The following ARHGAP26 variants were observed in gnomAD, a reference collection of about 807,000 sequenced individuals.
ARHGAP26 encodes the protein Rho GTPase activating protein 26.
Under a neutral mutation model 104.8 loss-of-function variants are expected in ARHGAP26, and 38 were observed. The ratio of observed to expected loss-of-function variants is 0.36; its 90% CI spans 0.28 to 0.48. The LOEUF is 0.48. Among genes scored for constraint, ARHGAP26 ranks in the 20% least tolerant of loss-of-function variants. The pLI, the probability that ARHGAP26 is intolerant of heterozygous loss-of-function variation, is 0.99. For synonymous variants in ARHGAP26, 341 were observed against 340.0 expected (o/e 1.00, Z -0.03); for missense variants, 704 against 947.9 (o/e 0.74, Z 3.38).
At position 142,903,676 on chromosome 5, in the gene ARHGAP26, G is replaced by A; in HGVS notation, c.832+7G>A. 1 of 1,612,474 alleles carries A rather than the reference G, an allele frequency of 6.2e-7. No homozygotes were observed. Among genetic ancestry groups the A allele is most frequent in the African/African-American group, 1.3e-5 (1 of 74,978 alleles). On this transcript the variant is annotated splice_region_variant and intron_variant, in intron 8 of 22. Coordinates refer to ENST00000645722, the MANE Select transcript of ARHGAP26 (RefSeq NM_001135608.3). ...CTCTACGTGCAGGAGAAACGTGAGTGCTTTGACTAGCAACAGCTTGGGATG... is the reference window on the plus strand; with the variant it reads ...CTCTACGTGCAGGAGAAACGTGAGTACTTTGACTAGCAACAGCTTGGGATG...
chr5:142,859,248 A>G (rs1188568031), intron 1 of ARHGAP26, among the ~76,000 whole-genome samples: 1 of 152,068 alleles, frequency 6.6e-6, no homozygotes, highest in Non-Finnish European at 1.5e-5. Flanking sequence ...GGTGGCATGG[A>G]CCCAAGTCTT....
chr5:143,216,467 A>G (rs985205699), intron 22 of ARHGAP26: 4 of 351,542 alleles, frequency 1.1e-5, no homozygotes, highest in African/African-American at 8.6e-5. Flanking sequence ...TTGACATACT[A>G]CAGCCTCATG....
chr5:143,074,672 C>G (rs1598898885), intron 17 of ARHGAP26, among the ~76,000 whole-genome samples: 1 of 152,190 alleles, frequency 6.6e-6, no homozygotes, highest in Non-Finnish European at 1.5e-5. Flanking sequence ...TGCAAGAGAA[C>G]CACATGGCCT....
At chr5:142,794,321 AAGTC>A (rs1760508104) in intron 1 of ARHGAP26, among the ~76,000 whole-genome samples, 1 of 152,118 alleles carries the variant, frequency 6.6e-6, no homozygotes, top group African/African-American at 2.4e-5. Flanking sequence ...AGTGTTCTGA[AAGTC>A]AGGGAGGGAT....
chr5:142,990,298 G>T (rs1218251041), intron 11 of ARHGAP26, among the ~76,000 whole-genome samples: 1 of 152,156 alleles, frequency 6.6e-6, no homozygotes, highest in African/African-American at 2.4e-5. Context: ...GTGGTTTTCA[G>T]CTCCATCCGG....
intron 18 of ARHGAP26, among the ~76,000 whole-genome samples, chr5:143,126,216 G>A (rs1796709809): frequency 6.6e-6 from 1 of 152,206 alleles, no homozygotes; most frequent in Non-Finnish European, 1.5e-5. Context: ...CAGAGAAAGA[G>A]TAGAGATAGG....
chr5:143,031,221 A>G (rs1427229196), intron 12 of ARHGAP26, among the ~76,000 whole-genome samples: 1 of 152,242 alleles, frequency 6.6e-6, no homozygotes, highest in Non-Finnish European at 1.5e-5. Context: ...CCCGTCACAC[A>G]CAGCTTTGTG....
chr5:143,057,033 G>T (rs1785928851), intron 16 of ARHGAP26, among the ~76,000 whole-genome samples: 1 of 152,288 alleles, frequency 6.6e-6, no homozygotes, highest in South Asian at 2.1e-4. Flanking sequence ...CTATTTGCCA[G>T]AGTAACAAAG....
At chr5:143,152,328 TAGAG>T (rs1017630067) in intron 20 of ARHGAP26, among the ~76,000 whole-genome samples, 2 of 152,124 alleles carry the variant, frequency 1.3e-5, no homozygotes, top group Non-Finnish European at 2.9e-5. Flanking sequence ...AATGTAGAAA[TAGAG>T]AGGGTATGTG....
At position 143,132,326 on chromosome 5, in the gene ARHGAP26, G is replaced by A. The variant is rs369619982; in HGVS notation, c.1699-1641G>A. On this transcript the variant is annotated intron_variant, in intron 18 of 22. Coordinates refer to ENST00000645722, the MANE Select transcript of ARHGAP26 (RefSeq NM_001135608.3). ...GTTTTTAAATGCACACAGAAAAGGA[G>A]AGAGGACCATGAGAAAGACTGATGT... is the stretch of plus-strand genomic sequence containing the variant. 1.3e-4 allele frequency among the ~76,000 whole-genome samples: 19 copies of A among 151,692 alleles called. 1 individual carries two copies. The East Asian group carries it at 2.2e-3, about 17-fold the overall frequency.
At chr5:143,074,789 A>G (rs1788753053) in intron 17 of ARHGAP26, among the ~76,000 whole-genome samples, 1 of 152,246 alleles carries the variant, frequency 6.6e-6, no homozygotes, top group African/African-American at 2.4e-5. Context: ...ACATGTTTGG[A>G]CTTGCTAACT....
intron 20 of ARHGAP26, among the ~76,000 whole-genome samples, chr5:143,167,695 T>C (rs1352805546): frequency 1.3e-5 from 2 of 152,024 alleles, no homozygotes; most frequent in Non-Finnish European, 2.9e-5. Context: ...TTTCATGGAT[T>C]TTTTTGTTTT....
chr5:142,949,234 A>AGAGAGAGAGAGAG (rs1767897347), intron 11 of ARHGAP26, among the ~76,000 whole-genome samples: 1 of 81,968 alleles, frequency 1.2e-5, no homozygotes, highest in African/African-American at 7.6e-5. Flanking sequence ...GAGAGAGAGG[A>AGAGAGAGAGAGAG]GAGAGAGAGA....
chr5:143,023,458 A>G (rs1780616816), intron 12 of ARHGAP26, among the ~76,000 whole-genome samples: 1 of 152,228 alleles, frequency 6.6e-6, no homozygotes, highest in African/African-American at 2.4e-5. Context: ...AAAGACATCT[A>G]AAGCCTTCAG....
intron 17 of ARHGAP26, among the ~76,000 whole-genome samples, chr5:143,068,145 A>G (rs1301324674): frequency 6.6e-6 from 1 of 152,234 alleles, no homozygotes; most frequent in Non-Finnish European, 1.5e-5. Flanking sequence ...AGCCTGGGTG[A>G]GAGAGCAACA....
At chr5:142,989,710 T>TA (rs1775302872) in intron 11 of ARHGAP26, among the ~76,000 whole-genome samples, 1 of 152,196 alleles carries the variant, frequency 6.6e-6, no homozygotes, top group African/African-American at 2.4e-5. Context: ...CTCCTTCACT[T>TA]ATGAAGCTTA....
chr5:143,017,622 G>C (rs1315774983), intron 12 of ARHGAP26, among the ~76,000 whole-genome samples: 1 of 152,104 alleles, frequency 6.6e-6, no homozygotes, highest in Non-Finnish European at 1.5e-5. Context: ...GTTAATAAAT[G>C]GTTCTGGGTC....
intron 10 of ARHGAP26, among the ~76,000 whole-genome samples, chr5:142,928,716 A>T (rs1052196163): frequency 6.6e-6 from 1 of 152,216 alleles, no homozygotes; most frequent in Non-Finnish European, 1.5e-5. Context: ...TAATAAGAAT[A>T]TACTTTTCTC....
At chr5:142,775,422 G>C (rs1181153192) in intron 1 of ARHGAP26, among the ~76,000 whole-genome samples, 1 of 152,148 alleles carries the variant, frequency 6.6e-6, no homozygotes, top group Non-Finnish European at 1.5e-5. Flanking sequence ...GGGGTCTTCA[G>C]ATCTTTTGCC....
Sources: gnomAD v4.1 joint callset for allele counts (sites outside exome capture counted in the v4.1 genomes callset) on GRCh38, gnomAD v4.1.1 for gene constraint, MANE v1.5 for transcripts, NCBI Gene and HGNC (gene_info 2026-07-23, HGNC 2026-07-21) for gene names.